FRMPD4: variants seen among roughly 807,000 people sequenced by gnomAD.
FRMPD4 encodes FERM and PDZ domain containing 4, also known as FERM and PDZ domain-containing protein 4.
A neutral mutation model predicts 94.1 loss-of-function variants in FRMPD4; 22 were observed. The ratio of observed to expected loss-of-function variants is 0.23; its 90% confidence interval spans 0.17 to 0.33. FRMPD4 has a LOEUF of 0.33. Among genes scored for constraint, FRMPD4 ranks in the 10% least tolerant of loss-of-function variants. FRMPD4 has a pLI of 1.00. For missense variants in FRMPD4, 1,111 were observed against 1,339.9 expected (o/e 0.83, Z 2.67); for synonymous variants, 631 against 548.6 (o/e 1.15, Z -2.10).
At chrX:12,355,182 CT>C (rs546045763) in intron 1 of FRMPD4, among the ~76,000 whole-genome samples, 48 of 101,869 alleles carry the variant, frequency 4.7e-4, no homozygotes, top group East Asian at 1.5e-3. Context: ...GAGATGCTAC[CT>C]TTTTTTTTTT....
intron 1 of FRMPD4, among the ~76,000 whole-genome samples, chrX:12,238,115 T>C (rs1474176836): frequency 9.0e-6 from 1 of 111,662 alleles, no homozygotes; most frequent in East Asian, 2.8e-4. Flanking sequence ...TATTTTTATT[T>C]ATTTACTTAT....
At chrX:12,310,311 C>A (rs1215193941) in intron 1 of FRMPD4, among the ~76,000 whole-genome samples, 1 of 110,675 alleles carries the variant, frequency 9.0e-6, no homozygotes, top group African/African-American at 3.3e-5. Context: ...TCACTTAAGG[C>A]AAGGACCGGC....
At chrX:12,645,627 T>C (rs1468324019) in intron 4 of FRMPD4, among the ~76,000 whole-genome samples, 1 of 110,566 alleles carries the variant, frequency 9.0e-6, no homozygotes, top group Non-Finnish European at 1.9e-5. Flanking sequence ...AGTGCTGGGA[T>C]TACAGGCGTG....
intron 4 of FRMPD4, among the ~76,000 whole-genome samples, chrX:12,667,456 A>G (rs2059791279): frequency 8.9e-6 from 1 of 112,509 alleles, no homozygotes; most frequent in East Asian, 2.8e-4. Context: ...TCTAGAAAGA[A>G]AATATACATT....
chrX:12,539,778 C>T (rs1361096406), intron 2 of FRMPD4, among the ~76,000 whole-genome samples: 27 of 111,131 alleles, frequency 2.4e-4, no homozygotes, highest in African/African-American at 8.2e-4. Flanking sequence ...CGACTACAGG[C>T]ATGTGCTACT....
At chrX:11,972,909 G>A (rs2054348290) in intron 3 of FRMPD4, among the ~76,000 whole-genome samples, 1 of 112,285 alleles carries the variant, frequency 8.9e-6, no homozygotes, top group Non-Finnish European at 1.9e-5. Context: ...TTGATAAAAA[G>A]GAAGACATTT....
rs1396282382 is a variant in FRMPD4 at position 12,351,035 on chromosome X, G to A, written c.42-147645G>A. On this transcript the variant is annotated intron_variant, in intron 1 of 16. Coordinates refer to ENST00000675598, the MANE Select transcript of FRMPD4 (RefSeq NM_001368397.1). ...CTAAAAATACAAAAATTAGCTGGGT[G>A]TGGTGGCGCGTGCCTGTAATCAGCT... is the stretch of plus-strand genomic sequence containing the variant. Among the ~76,000 whole-genome samples, 3 of 110,925 alleles carry A rather than the reference G, an allele frequency of 2.7e-5. No individual in the cohort carries two copies. In the Admixed American group the frequency reaches 2.9e-4, roughly 11 times the overall value.
intron 1 of FRMPD4, among the ~76,000 whole-genome samples, chrX:12,225,440 C>G (rs2056912318): frequency 8.9e-6 from 1 of 111,883 alleles, no homozygotes; most frequent in African/African-American, 3.2e-5. Flanking sequence ...AAGATAGATG[C>G]CCATCTGGAT....
chrX:12,343,918 C>G (rs1249672108), intron 1 of FRMPD4, among the ~76,000 whole-genome samples: 1 of 112,309 alleles, frequency 8.9e-6, no homozygotes, highest in Non-Finnish European at 1.9e-5. Flanking sequence ...CTTTTCTAAG[C>G]ATCATCATAT....
intron 3 of FRMPD4, among the ~76,000 whole-genome samples, chrX:11,947,003 A>G (rs2054192901): frequency 9.0e-6 from 1 of 111,488 alleles, no homozygotes; most frequent in Non-Finnish European, 1.9e-5. Context: ...CCCATAATAA[A>G]TCTTCTCTTA....
At chrX:11,925,638 G>A (rs2054082941) in intron 3 of FRMPD4, among the ~76,000 whole-genome samples, 1 of 111,865 alleles carries the variant, frequency 8.9e-6, no homozygotes, top group South Asian at 3.7e-4. Context: ...CGAATAACCT[G>A]CTCCTGAATG....
At chrX:11,883,014 A>G (rs1004469738) in intron 3 of FRMPD4, among the ~76,000 whole-genome samples, 3 of 111,464 alleles carry the variant, frequency 2.7e-5, no homozygotes, top group South Asian at 7.6e-4. Context: ...AATTCATTCA[A>G]ACACTCTTTA....
chrX:12,002,566 T>A (rs1440078504), intron 3 of FRMPD4, among the ~76,000 whole-genome samples: 1 of 112,243 alleles, frequency 8.9e-6, no homozygotes, highest in East Asian at 2.8e-4. Flanking sequence ...AGCATAATAG[T>A]GTTGACAACT....
At chrX:12,486,212 C>T (rs2057737626) in intron 1 of FRMPD4, among the ~76,000 whole-genome samples, 1 of 111,481 alleles carries the variant, frequency 9.0e-6, no homozygotes, top group African/African-American at 3.3e-5. Flanking sequence ...GCATCCACTC[C>T]TTACCTGACA....
intron 1 of FRMPD4, among the ~76,000 whole-genome samples, chrX:12,388,186 A>G (rs1295792559): frequency 2.7e-5 from 3 of 111,757 alleles, no homozygotes; most frequent in Non-Finnish European, 3.8e-5. Flanking sequence ...ACAAGGGTCT[A>G]TACATATGTA....
At chrX:11,852,118 A>G (rs1056702604) in intron 1 of FRMPD4, among the ~76,000 whole-genome samples, 2 of 111,346 alleles carry the variant, frequency 1.8e-5, no homozygotes, top group African/African-American at 3.3e-5. Flanking sequence ...TTAGCTGACA[A>G]TAAGAGTTCA....
chrX:11,862,005 A>C (rs777082941), intron 1 of FRMPD4, among the ~76,000 whole-genome samples: 1 of 110,911 alleles, frequency 9.0e-6, no homozygotes, highest in Non-Finnish European at 1.9e-5. Context: ...ACATGGCTGG[A>C]GCAGGAGCAA....
chrX:12,482,850 T>A (rs2057702202), intron 1 of FRMPD4, among the ~76,000 whole-genome samples: 2 of 112,301 alleles, frequency 1.8e-5, no homozygotes, highest in Non-Finnish European at 3.8e-5. Flanking sequence ...ACAGCACATC[T>A]CAATTCATAC....
At chrX:12,418,390 G>T (rs1465775235) in intron 1 of FRMPD4, among the ~76,000 whole-genome samples, 5 of 90,645 alleles carry the variant, frequency 5.5e-5, no homozygotes, top group Non-Finnish European at 8.3e-5. Flanking sequence ...ATAGAGTCTC[G>T]CTCTGTTGCC....
Sources: gnomAD v4.1 joint callset for allele counts (sites outside exome capture counted in the v4.1 genomes callset) on GRCh38, gnomAD v4.1.1 for gene constraint, MANE v1.5 for transcripts, NCBI Gene and HGNC (gene_info 2026-07-23, HGNC 2026-07-21) for gene names.